FUT9: variants seen among roughly 807,000 people sequenced by gnomAD.
FUT9 encodes fucosyltransferase 9, also known as 4-galactosyl-N-acetylglucosaminide 3-alpha-L-fucosyltransferase 9.
A neutral mutation model predicts 29.7 loss-of-function variants in FUT9; 15 were observed. The observed-to-expected ratio is 0.51, with a 90% CI of 0.34 to 0.78. The LOEUF is 0.78. Ranked by LOEUF, FUT9 falls within the 30% of genes least tolerant of loss-of-function variation. The pLI, the probability that FUT9 is intolerant of heterozygous loss-of-function variation, is 0.01. For missense variants in FUT9, 319 were observed against 425.4 expected (o/e 0.75, Z 2.20); for synonymous variants, 169 against 153.7 (o/e 1.10, Z -0.74).
chr6:96,093,174 A>T (rs1379635836), intron 1 of FUT9, among the ~76,000 whole-genome samples: 1 of 152,108 alleles, frequency 6.6e-6, no homozygotes, highest in Non-Finnish European at 1.5e-5. Flanking sequence ...CCCCACATAA[A>T]ATCAGATATG....
chr6:96,145,584 G>A (rs1772551228), intron 2 of FUT9, among the ~76,000 whole-genome samples: 1 of 151,990 alleles, frequency 6.6e-6, no homozygotes, highest in Non-Finnish European at 1.5e-5. Flanking sequence ...GAAGTGGAAG[G>A]GTAAGATTAT....
At chr6:96,161,887 T>C (rs1772910157) in intron 2 of FUT9, among the ~76,000 whole-genome samples, 1 of 152,222 alleles carries the variant, frequency 6.6e-6, no homozygotes, top group Non-Finnish European at 1.5e-5. Flanking sequence ...TTTGACTTCT[T>C]TCCTCTTTGT....
intron 1 of FUT9, among the ~76,000 whole-genome samples, chr6:96,111,328 C>T (rs972454771): frequency 3.9e-5 from 6 of 152,018 alleles, no homozygotes; most frequent in African/African-American, 1.4e-4. Flanking sequence ...AAGAGAAAAA[C>T]GTACTATCAT....
chr6:96,045,357 G>A (rs2248641), intron 1 of FUT9, among the ~76,000 whole-genome samples: 96,825 of 152,004 alleles, frequency 0.64, 31,110 homozygotes, highest in African/African-American at 0.72. Flanking sequence ...CTCTGAAAGT[G>A]CCAGACAAAA....
intron 1 of FUT9, among the ~76,000 whole-genome samples, chr6:96,082,172 T>A (rs2127951122): frequency 6.6e-6 from 1 of 151,880 alleles, no homozygotes; most frequent in South Asian, 2.1e-4. Context: ...AGTAAATATA[T>A]CAATATTTTC....
chr6:96,152,276 C>T (rs956942721), intron 2 of FUT9, among the ~76,000 whole-genome samples: 1 of 152,134 alleles, frequency 6.6e-6, no homozygotes, highest in Non-Finnish European at 1.5e-5. Flanking sequence ...CAGACATAAT[C>T]CCTGAGGTTC....
At chr6:96,147,510 A>C (rs1445812409) in intron 2 of FUT9, among the ~76,000 whole-genome samples, 1 of 152,120 alleles carries the variant, frequency 6.6e-6, no homozygotes, top group Non-Finnish European at 1.5e-5. Flanking sequence ...AAGCAAAAGA[A>C]AAAGATGAGC....
At chr6:96,080,917 C>T (rs545513583) in intron 1 of FUT9, among the ~76,000 whole-genome samples, 20 of 152,030 alleles carry the variant, frequency 1.3e-4, no homozygotes, top group Non-Finnish European at 2.7e-4. Context: ...GAATTAGCAA[C>T]AACATGTACC....
intron 2 of FUT9, among the ~76,000 whole-genome samples, chr6:96,179,406 A>G (rs972238507): frequency 4.6e-5 from 7 of 152,156 alleles, no homozygotes; most frequent in Non-Finnish European, 7.4e-5. Context: ...TAGTGTCATT[A>G]TAATGCAAGT....
intron 2 of FUT9, among the ~76,000 whole-genome samples, chr6:96,148,765 C>A (rs1273599400): frequency 6.6e-6 from 1 of 151,574 alleles, no homozygotes; most frequent in Non-Finnish European, 1.5e-5. Flanking sequence ...AAATGTATTG[C>A]CTTTATTCTG....
At chr6:96,055,075 T>C (rs534151880) in intron 1 of FUT9, among the ~76,000 whole-genome samples, 1 of 152,296 alleles carries the variant, frequency 6.6e-6, no homozygotes, top group East Asian at 1.9e-4. Context: ...AATACGAAGA[T>C]ATTGTTTAAT....
chr6:96,031,059 A>T (rs1770251984), intron 1 of FUT9, among the ~76,000 whole-genome samples: 1 of 151,486 alleles, frequency 6.6e-6, no homozygotes, highest in African/African-American at 2.4e-5. Flanking sequence ...CACTTTAAAA[A>T]GATTAATAAT....
At chr6:96,139,006 TA>T (rs201658979) in intron 2 of FUT9, among the ~76,000 whole-genome samples, 140 of 152,000 alleles carry the variant, frequency 9.2e-4, no homozygotes, top group Middle Eastern at 3.4e-3. Context: ...CTCCATGTTT[TA>T]AAAAAAATGA....
rs377083152 is a variant in FUT9, at chr6:96,043,272, T to C, written c.-98+27060T>C. Among the ~76,000 whole-genome samples the C allele has an allele frequency of 3.6e-3, 525 of 145,214 alleles. 6 individuals carry two copies. In the East Asian group the frequency reaches 0.045, roughly 12 times the overall value. Reference sequence around the variant, plus strand: ...TTCACCGTGTTAGCCAGGATGGTCTTGATCTCCTGACCTCGTGATCCTCTC... The same window carrying C: ...TTCACCGTGTTAGCCAGGATGGTCTCGATCTCCTGACCTCGTGATCCTCTC... On this transcript the variant is annotated intron_variant, in intron 1 of 2. Coordinates refer to ENST00000302103, the MANE Select transcript of FUT9 (RefSeq NM_006581.4).
intron 2 of FUT9, among the ~76,000 whole-genome samples, chr6:96,140,585 A>G (rs1471572777): frequency 6.6e-6 from 1 of 152,234 alleles, no homozygotes; most frequent in Non-Finnish European, 1.5e-5. Context: ...TTACAGTTCC[A>G]CATGGCTGGG....
intron 2 of FUT9, among the ~76,000 whole-genome samples, chr6:96,121,236 C>T (rs889712472): frequency 6.6e-6 from 1 of 152,118 alleles, no homozygotes; most frequent in African/African-American, 2.4e-5. Context: ...CTTCTTATCC[C>T]TTATAATGAT....
chr6:96,132,180 A>G (rs1419852359), intron 2 of FUT9, among the ~76,000 whole-genome samples: 2 of 150,270 alleles, frequency 1.3e-5, no homozygotes, highest in Non-Finnish European at 3.0e-5. Flanking sequence ...TTTTGATATT[A>G]TTTGTTTTTT....
At position 96,205,208 on chromosome 6, in the gene FUT9, C is replaced by T. The variant is rs954712034; in HGVS notation, c.*973C>T. The stretch of plus-strand genomic sequence containing the variant: ...TAAGATTTGGCTCATAATGATGAGC[C>T]CTATCATTTGATTTGAGTTCTATCA... On this transcript the variant is annotated 3_prime_UTR_variant, in exon 3 of 3. Transcript: ENST00000302103. The T allele has an allele frequency of 2.8e-4, 46 of 166,322 alleles. No homozygotes were observed. Among genetic ancestry groups the T allele is most frequent in the African/African-American group, 1.1e-3 (46 of 41,198 alleles). The allele number at this position is 166,322 out of a possible 1,614,324, so 10.3% of individuals were successfully genotyped here.
Position 96,204,203 on chromosome 6 carries a change from G to T in FUT9, c.1048G>T (p.Val350Phe). The change falls in exon 3 of 3, where the codon GTT becomes TTT. Residue 350 changes from valine (V) to phenylalanine (F), a missense_variant. Val to Phe is a conservative substitution (Grantham distance 50). Transcript: ENST00000302103. ...GAAAAGGCATCAAGAATATAAGTCT[G>T]TTGGTAATTTAGAGAAATGGTTTTG... is the stretch of plus-strand genomic sequence containing the variant. Reference protein sequence around the residue: ...HVKRHQEYKSVGNLEKWFWN With the variant: ...HVKRHQEYKSFGNLEKWFWN 1.4e-6 allele frequency: 2 copies of T among 1,441,988 alleles called. No individual in the cohort carries two copies. The highest frequency in any genetic ancestry group is 1.8e-6 in the Non-Finnish European group (2 of 1,093,838). The allele number at this position is 1,441,988 out of a possible 1,614,324, so 89.3% of individuals were successfully genotyped here.
Sources: gnomAD v4.1 joint callset for allele counts (sites outside exome capture counted in the v4.1 genomes callset) on GRCh38, gnomAD v4.1.1 for gene constraint, MANE v1.5 for transcripts, NCBI Gene and HGNC (gene_info 2026-07-23, HGNC 2026-07-21) for gene names.